The following ARHGEF11 variants were observed in gnomAD, a reference collection of about 807,000 sequenced individuals.
ARHGEF11 encodes Rho guanine exchange factor (GEF) 11.
A neutral mutation model predicts 193.7 loss-of-function variants in ARHGEF11; 55 were observed. That is an observed-to-expected ratio of 0.28 (90% confidence interval 0.23 to 0.36). The LOEUF is 0.36. Ranked by LOEUF, ARHGEF11 falls within the 10% of genes least tolerant of loss-of-function variation. ARHGEF11 has a pLI of 1.00. For missense variants in ARHGEF11, 1,723 were observed against 2,005.6 expected (o/e 0.86, Z 2.69); for synonymous variants, 693 against 768.0 (o/e 0.90, Z 1.62).
At chr1:156,967,605 G>A (rs1661867047) in intron 11 of ARHGEF11, among the ~76,000 whole-genome samples, 1 of 151,976 alleles carries the variant, frequency 6.6e-6, no homozygotes, top group African/African-American at 2.4e-5. Context: ...ACGGTTCCAA[G>A]TAATAAGATT....
intron 1 of ARHGEF11, among the ~76,000 whole-genome samples, chr1:157,001,891 G>C (rs1667244360): frequency 6.6e-6 from 1 of 152,186 alleles, no homozygotes; most frequent in Non-Finnish European, 1.5e-5. Flanking sequence ...AAAAATGGTA[G>C]GCATTTGTCC....
intron 21 of ARHGEF11, 48 bp from the exon 22 acceptor site, chr1:156,951,747 T>G: frequency 6.2e-7 from 1 of 1,611,278 alleles, no homozygotes; most frequent in Non-Finnish European, 8.5e-7. Flanking sequence ...TGTTCAGGGA[T>G]GGCTTCTCAG....
intron 1 of ARHGEF11, among the ~76,000 whole-genome samples, chr1:156,997,894 T>C (rs538353137): frequency 4.6e-5 from 7 of 152,254 alleles, no homozygotes; most frequent in Non-Finnish European, 7.4e-5. Context: ...TTAAATTACA[T>C]GTGGTTTGCA....
intron 1 of ARHGEF11, among the ~76,000 whole-genome samples, chr1:157,014,025 C>T (rs1187973150): frequency 1.3e-5 from 2 of 152,342 alleles, no homozygotes; most frequent in East Asian, 1.9e-4. Context: ...AATCACACTG[C>T]TGTGTGATCT....
intron 1 of ARHGEF11, among the ~76,000 whole-genome samples, chr1:157,015,991 A>C (rs888811916): frequency 2.0e-5 from 3 of 152,204 alleles, no homozygotes; most frequent in East Asian, 1.9e-4. Flanking sequence ...TGCAGTCTTA[A>C]AAATAAACCA....
chr1:156,972,336 G>A (rs1463889739), intron 7 of ARHGEF11, among the ~76,000 whole-genome samples: 1 of 152,156 alleles, frequency 6.6e-6, no homozygotes, highest in Admixed American at 6.5e-5. Context: ...TTCACAGTTA[G>A]GGACACCTGG....
At chr1:156,936,280 T>G (rs750364015) in intron 40 of ARHGEF11, 5 of 726,252 alleles carry the variant, frequency 6.9e-6, no homozygotes, top group South Asian at 6.8e-5. Flanking sequence ...CTTGTCTTCC[T>G]GAGTTATGAC....
intron 15 of ARHGEF11, among the ~76,000 whole-genome samples, chr1:156,959,942 CCA>C (rs1660577706): frequency 1.3e-5 from 1 of 75,950 alleles, no homozygotes; most frequent in Non-Finnish European, 2.5e-5. Flanking sequence ...TCCCCCCCCC[CCA>C]AAAAAAACAA....
intron 1 of ARHGEF11, among the ~76,000 whole-genome samples, chr1:156,996,068 T>C (rs527267493): frequency 6.6e-6 from 1 of 152,206 alleles, no homozygotes; most frequent in South Asian, 2.1e-4. Context: ...CCACAATGCA[T>C]ATAAATTAGG....
rs2275199 is a variant in ARHGEF11, at chr1:156,939,903, G to A, written c.3741C>T (p.Asn1247=). The A allele has an allele frequency of 0.16, 261,577 of 1,602,878 alleles. 22,385 individuals carry two copies. The highest frequency in any genetic ancestry group is 0.34 in the East Asian group (15,178 of 44,856). Residue 1247 remains asparagine (N), a synonymous_variant, in exon 37 of 41, where the codon AAC becomes AAT. Coordinates refer to ENST00000368194, the MANE Select transcript of ARHGEF11 (RefSeq NM_198236.3). ...LADSALEDVE[N]LRHLILWSLL... is the part of the protein sequence containing the mutation. ...GGCTCCACAGGATCAGATGTCGCAG[G>A]TTCTCCACTGGAGGGGAAACAGGGT...
At chr1:156,963,066 T>G in intron 13 of ARHGEF11, 137 bp downstream of exon 13, 1 of 673,098 alleles carries the variant, frequency 1.5e-6, no homozygotes, top group East Asian at 2.7e-5. Context: ...TCTTCTTGGC[T>G]ATTTTGTCTG....
In ARHGEF11 at chr1:156,971,813, T is replaced by C. The variant is rs1662523342; in HGVS notation, c.586A>G (p.Ile196Val). Residue 196 changes from isoleucine (I) to valine (V), a missense_variant, in exon 8 of 41, where the codon ATC (isoleucine) becomes GTC (valine). Physicochemically the swap from Ile to Val is conservative, Grantham distance 29. Around this residue, in one of 5 missense-constraint regions of ARHGEF11, gnomAD observed 646 missense variants for 710.7 expected, o/e 0.91. Coordinates refer to ENST00000368194, the MANE Select transcript of ARHGEF11 (RefSeq NM_198236.3). ...LRQEEKELQR[I>V]CEVYSRNPAS... ...GGGTTCCGGCTATAGACCTCACAGA[T>C]ACGCTAGGGATGGGTGAGGAGGAGA... 1 of 1,612,704 alleles carries C rather than the reference T, an allele frequency of 6.2e-7. No individual in the cohort carries two copies.
At position 156,939,929 on chromosome 1, in the gene ARHGEF11, G is replaced by A. The variant is rs373576989; in HGVS notation, c.3734-19C>T. 1.3e-6 allele frequency: 2 copies of A among 1,597,878 alleles called. No homozygotes were observed. Among genetic ancestry groups the A allele is most frequent in the African/African-American group, 2.7e-5 (2 of 74,648 alleles). ...TTCTCCACTGGAGGGGAAACAGGGT[G>A]ATGTCTTCCCAGCATGGGACTGCAC... On this transcript the variant is annotated intron_variant, in intron 36 of 40. Transcript: ENST00000368194.
chr1:157,019,191 G>A (rs1463297592), intron 1 of ARHGEF11, among the ~76,000 whole-genome samples: 2 of 152,134 alleles, frequency 1.3e-5, no homozygotes, highest in Non-Finnish European at 2.9e-5. Flanking sequence ...TTTACTGTAT[G>A]CAAATTTAAA....
At chr1:156,961,152 C>T (rs1272712416) in intron 14 of ARHGEF11, among the ~76,000 whole-genome samples, 1 of 152,234 alleles carries the variant, frequency 6.6e-6, no homozygotes. Context: ...GGCAGAAATG[C>T]TCTTGCCAGC....
At chr1:156,964,506 C>T (rs576856643) in intron 11 of ARHGEF11, among the ~76,000 whole-genome samples, 1 of 152,322 alleles carries the variant, frequency 6.6e-6, no homozygotes, top group African/African-American at 2.4e-5. Context: ...CTATGATACC[C>T]TCCTAACCCA....
chr1:157,016,680 T>C (rs1213587918), intron 1 of ARHGEF11, among the ~76,000 whole-genome samples: 2 of 152,252 alleles, frequency 1.3e-5, no homozygotes, highest in Admixed American at 1.3e-4. Flanking sequence ...TGTGATTTGC[T>C]TCATAATCTG....
intron 1 of ARHGEF11, among the ~76,000 whole-genome samples, chr1:157,023,963 T>C (rs898659008): frequency 1.3e-5 from 2 of 152,084 alleles, no homozygotes; most frequent in African/African-American, 4.8e-5. Flanking sequence ...AATAAAAACA[T>C]ATGCCCACAT....
chr1:156,962,375 C>G (rs936018974), intron 13 of ARHGEF11, among the ~76,000 whole-genome samples: 1 of 152,140 alleles, frequency 6.6e-6, no homozygotes, highest in Non-Finnish European at 1.5e-5. Flanking sequence ...CTCCATCTGC[C>G]CTCCCGTTCT....
Sources: allele counts gnomAD v4.1 joint callset (sites outside exome capture counted in the v4.1 genomes callset), GRCh38; gene constraint gnomAD v4.1.1; regional missense constraint gnomAD v4.1.1; transcripts MANE v1.5; gene names NCBI Gene and HGNC (gene_info 2026-07-23, HGNC 2026-07-21).